The following AOAH variants were observed in gnomAD, a reference collection of about 807,000 sequenced individuals.
The protein encoded by AOAH is acyloxyacyl hydrolase.
A neutral mutation model predicts 92.2 loss-of-function variants in AOAH; 64 were observed. The ratio of observed to expected loss-of-function variants is 0.69; its 90% CI spans 0.57 to 0.86. The LOEUF is 0.86. Among genes scored for constraint, AOAH ranks in the 40% least tolerant of loss-of-function variants. The probability of loss-of-function intolerance (pLI) is 0.00; values close to 1 mark genes in which losing one functional copy is unlikely to be tolerated. For synonymous variants in AOAH, 263 were observed against 254.5 expected, an observed-to-expected ratio of 1.03 and a Z score of -0.32; for missense variants, 656 against 694.6, an observed-to-expected ratio of 0.94 and a Z score of 0.62.
At chr7:36,672,212 C>G (rs913671707) in intron 3 of AOAH, among the ~76,000 whole-genome samples, 6 of 152,188 alleles carry the variant, frequency 3.9e-5, no homozygotes, top group African/African-American at 1.4e-4. Flanking sequence ...TACTGATGAC[C>G]TCCCTGCCTG....
chr7:36,551,495 A>C (rs1328740492), intron 13 of AOAH, among the ~76,000 whole-genome samples: 1 of 152,128 alleles, frequency 6.6e-6, no homozygotes, highest in East Asian at 1.9e-4. Flanking sequence ...CCGAAACTCA[A>C]AATGCATTAA....
chr7:36,596,899 C>T (rs73338180), intron 11 of AOAH, among the ~76,000 whole-genome samples: 2,177 of 152,276 alleles, frequency 0.014, 52 homozygotes, highest in African/African-American at 0.049. Context: ...AACCCCTTTA[C>T]TATGTTTACT....
intron 11 of AOAH, among the ~76,000 whole-genome samples, chr7:36,595,705 C>A (rs543468811): frequency 2.6e-5 from 4 of 152,214 alleles, no homozygotes; most frequent in African/African-American, 9.6e-5. Context: ...GACTGAGTAT[C>A]TTGTATTTTA....
chr7:36,692,263 G>A (rs1797448532), intron 1 of AOAH, among the ~76,000 whole-genome samples: 1 of 152,142 alleles, frequency 6.6e-6, no homozygotes, highest in African/African-American at 2.4e-5. Context: ...GCCACCACAG[G>A]GAAGACACAT....
Position 36,610,159 on chromosome 7 carries a change from C to CAAAAAAAAAAAAAA in AOAH, c.846+6207_846+6220dup, listed in dbSNP as rs71553082. On this transcript the variant is annotated intron_variant, in intron 11 of 20. Coordinates refer to ENST00000617537, the MANE Select transcript of AOAH (RefSeq NM_001637.4). ...TTTTAAGGAGAATGCTCCATAATAG[C>CAAAAAAAAAAAAAA]AAAAAAAAAAAAAAAAAAAAAGAAT... 1.6e-4 allele frequency among the ~76,000 whole-genome samples: 8 copies of CAAAAAAAAAAAAAA among 49,254 alleles called. 1 individual carries two copies. Among genetic ancestry groups the CAAAAAAAAAAAAAA allele is most frequent in the African/African-American group, 6.7e-4 (8 of 11,978 alleles). The allele number at this position is 49,254 out of a possible 152,430, so 32.3% of individuals were successfully genotyped here.
intron 1 of AOAH, among the ~76,000 whole-genome samples, chr7:36,719,288 T>A (rs576999120): frequency 6.6e-6 from 1 of 152,318 alleles, no homozygotes; most frequent in African/African-American, 2.4e-5. Flanking sequence ...CACTTGGCTG[T>A]AGTGACTTTC....
At chr7:36,530,578 C>T (rs1986468) in intron 18 of AOAH, 64 bp from the exon 19 acceptor site, 19,951 of 1,086,730 alleles carry the variant, frequency 0.018, 753 homozygotes, top group Admixed American at 0.089. Context: ...TGAGACAATT[C>T]AGGCAGAACA....
chr7:36,654,133 A>G (rs866713251), intron 4 of AOAH, among the ~76,000 whole-genome samples: 1 of 113,856 alleles, frequency 8.8e-6, no homozygotes, highest in Admixed American at 1.0e-4. Flanking sequence ...GTGCGTACAC[A>G]CACACACACA....
At chr7:36,677,347 C>T (rs1796313410) in intron 2 of AOAH, among the ~76,000 whole-genome samples, 2 of 152,164 alleles carry the variant, frequency 1.3e-5, no homozygotes, top group Non-Finnish European at 2.9e-5. Flanking sequence ...TACTCAACAT[C>T]ATTAGCTACC....
chr7:36,698,792 C>T (rs1797866388), intron 1 of AOAH, among the ~76,000 whole-genome samples: 1 of 152,012 alleles, frequency 6.6e-6, no homozygotes, highest in African/African-American at 2.4e-5. Flanking sequence ...AAAAATTTGT[C>T]ATTTATTTGT....
chr7:36,620,287 G>A (rs1309381880), intron 9 of AOAH, among the ~76,000 whole-genome samples: 3 of 151,704 alleles, frequency 2.0e-5, no homozygotes, highest in East Asian at 1.9e-4. Flanking sequence ...TTCTTTCCCC[G>A]GGAGCTGCAA....
intron 20 of AOAH, among the ~76,000 whole-genome samples, chr7:36,519,480 G>C (rs977969467): frequency 1.3e-5 from 2 of 152,186 alleles, no homozygotes; most frequent in African/African-American, 4.8e-5. Flanking sequence ...GCCCAGGCTG[G>C]AGTACAATGG....
chr7:36,715,085 T>C (rs1015154167), intron 1 of AOAH, among the ~76,000 whole-genome samples: 2 of 152,112 alleles, frequency 1.3e-5, no homozygotes, highest in African/African-American at 4.8e-5. Context: ...AACCCCATCA[T>C]CTCTGCCCAA....
chr7:36,687,586 G>A (rs377175086), intron 1 of AOAH, among the ~76,000 whole-genome samples: 3 of 151,176 alleles, frequency 2.0e-5, no homozygotes, highest in African/African-American at 7.3e-5. Flanking sequence ...GTATAAACAA[G>A]TGGTTGGTCA....
Position 36,614,182 on chromosome 7 carries a change from A to C in AOAH, c.846+2198T>G, listed in dbSNP as rs1425050784. 6.6e-6 allele frequency among the ~76,000 whole-genome samples: 1 copy of C among 151,838 alleles called. No homozygotes were observed. The highest frequency in any genetic ancestry group is 6.6e-5 in the Admixed American group (1 of 15,264). ...TCCCTTTCTCGAGGGCAGGGGCACCACCCCCTTCTCTAATGGACACGGTGG... is the reference window on the plus strand; with the variant it reads ...TCCCTTTCTCGAGGGCAGGGGCACCCCCCCCTTCTCTAATGGACACGGTGG... On this transcript the variant is annotated intron_variant, in intron 11 of 20. Transcript: ENST00000617537. The surrounding 1 kb of genome is among the most constrained non-coding windows in gnomAD (Gnocchi z 4.2).
intron 11 of AOAH, among the ~76,000 whole-genome samples, chr7:36,602,914 G>A (rs1254138147): frequency 2.6e-5 from 4 of 151,990 alleles, no homozygotes; most frequent in African/African-American, 4.8e-5. Flanking sequence ...CTTTCTCTCC[G>A]CTCTTTCACT....
chr7:36,709,723 AT>A (rs1323428012), intron 1 of AOAH, among the ~76,000 whole-genome samples: 1 of 152,004 alleles, frequency 6.6e-6, no homozygotes, highest in East Asian at 1.9e-4. Flanking sequence ...TCAGGCAAGG[AT>A]TTTCCTAACA....
intron 4 of AOAH, among the ~76,000 whole-genome samples, chr7:36,650,976 C>T (rs773046740): frequency 2.6e-5 from 4 of 152,164 alleles, no homozygotes; most frequent in Admixed American, 6.5e-5. Flanking sequence ...GGGAACAAGG[C>T]GCTGGCCATG....
At chr7:36,536,454 C>T (rs1785065115) in intron 16 of AOAH, among the ~76,000 whole-genome samples, 1 of 152,070 alleles carries the variant, frequency 6.6e-6, no homozygotes, top group Non-Finnish European at 1.5e-5. Context: ...GAGTGTCCAG[C>T]TGCTGACTAA....
Sources: allele counts gnomAD v4.1 joint callset (sites outside exome capture counted in the v4.1 genomes callset), GRCh38; gene constraint gnomAD v4.1.1; non-coding constraint Gnocchi (gnomAD v3.1); transcripts MANE v1.5; gene names NCBI Gene and HGNC (gene_info 2026-07-23, HGNC 2026-07-21).